The following TMEM132D variants were observed in gnomAD, a reference collection of about 807,000 sequenced individuals.
TMEM132D encodes mature OL transmembrane protein.
Under a neutral mutation model 62.3 loss-of-function variants are expected in TMEM132D, and 21 were observed. The observed-to-expected ratio is 0.34, with a 90% confidence interval of 0.24 to 0.49. The LOEUF (loss-of-function observed/expected upper bound fraction) is 0.49, where lower values mean the gene tolerates loss of function less well. TMEM132D is among the 20% of genes least tolerant of loss of function. The pLI is 0.99. For missense variants in TMEM132D, 1,346 were observed against 1,402.8 expected (o/e 0.96, Z 0.65); for synonymous variants, 621 against 575.6 (o/e 1.08, Z -1.13).
rs576788255 is a variant in TMEM132D at position 129,649,009 on chromosome 12, C to G, written c.968+50801G>C. 2.0e-5 allele frequency among the ~76,000 whole-genome samples: 3 copies of G among 152,274 alleles called. No homozygotes were observed. The East Asian group carries it at 5.8e-4, about 29-fold the overall frequency. On this transcript the variant is annotated intron_variant, in intron 2 of 8. Coordinates refer to ENST00000422113, the MANE Select transcript of TMEM132D (RefSeq NM_133448.3). ...AGGGAAGGAAAACATCTCCAGATGG[C>G]AGGATGCTGGGTGCTTTTGGTTTGG...
chr12:129,270,119 G>A (rs530444573), intron 4 of TMEM132D, among the ~76,000 whole-genome samples: 2 of 152,238 alleles, frequency 1.3e-5, no homozygotes, highest in African/African-American at 2.4e-5. Context: ...TTCCTTCCTC[G>A]GTTCCAGTGT....
intron 1 of TMEM132D, among the ~76,000 whole-genome samples, chr12:129,728,549 C>A (rs551556976): frequency 1.3e-5 from 2 of 152,152 alleles, no homozygotes; most frequent in Non-Finnish European, 2.9e-5. Context: ...GCCTGCAGGG[C>A]GTGAGTCTCA....
chr12:129,344,620 G>A (rs1869620080), intron 3 of TMEM132D, among the ~76,000 whole-genome samples: 1 of 152,084 alleles, frequency 6.6e-6, no homozygotes, highest in Admixed American at 6.5e-5. Context: ...GGGGTTGGAG[G>A]CTCCTCTCAG....
At chr12:129,406,734 C>G (rs1198305934) in intron 3 of TMEM132D, among the ~76,000 whole-genome samples, 2 of 152,180 alleles carry the variant, frequency 1.3e-5, no homozygotes, top group Admixed American at 6.5e-5. Flanking sequence ...TCGTATGCCT[C>G]ATAGGCTATG....
intron 5 of TMEM132D, among the ~76,000 whole-genome samples, chr12:129,146,933 G>A (rs530162232): frequency 1.3e-5 from 2 of 152,100 alleles, no homozygotes; most frequent in Non-Finnish European, 2.9e-5. Flanking sequence ...ACTGGCCAAA[G>A]GTCACACGGT....
At chr12:129,614,372 T>C (rs1878860814) in intron 2 of TMEM132D, among the ~76,000 whole-genome samples, 1 of 152,212 alleles carries the variant, frequency 6.6e-6, no homozygotes. Flanking sequence ...GATGCCCTGC[T>C]GCAAAGAGGA....
At chr12:129,301,817 A>T (rs943745848) in intron 4 of TMEM132D, among the ~76,000 whole-genome samples, 38 of 152,344 alleles carry the variant, frequency 2.5e-4, no homozygotes, top group African/African-American at 8.9e-4. Flanking sequence ...ACACCAGAAC[A>T]GACACAGGAT....
intron 4 of TMEM132D, among the ~76,000 whole-genome samples, chr12:129,289,473 G>A (rs1881387247): frequency 6.6e-6 from 1 of 151,350 alleles, no homozygotes; most frequent in African/African-American, 2.4e-5. Context: ...GAACCTGGGA[G>A]GTGGAGGTTG....
intron 4 of TMEM132D, among the ~76,000 whole-genome samples, chr12:129,322,093 C>A (rs1868737658): frequency 6.6e-6 from 1 of 151,930 alleles, no homozygotes; most frequent in Admixed American, 6.6e-5. Context: ...ATTTTCTCAT[C>A]TGCAAAATAG....
intron 1 of TMEM132D, among the ~76,000 whole-genome samples, chr12:129,800,158 T>C (rs1871718806): frequency 6.6e-6 from 1 of 152,130 alleles, no homozygotes. Context: ...TCTAATTTAA[T>C]CTGTAGCTGT....
intron 4 of TMEM132D, among the ~76,000 whole-genome samples, chr12:129,215,217 C>A (rs188253915): frequency 8.7e-4 from 132 of 152,272 alleles, no homozygotes; most frequent in African/African-American, 3.1e-3. Context: ...AAACAGAAAA[C>A]AACATACCAC....
At chr12:129,384,421 C>CT (rs1448112552) in intron 3 of TMEM132D, among the ~76,000 whole-genome samples, 1 of 151,966 alleles carries the variant, frequency 6.6e-6, no homozygotes, top group Non-Finnish European at 1.5e-5. Flanking sequence ...CTGTAGACCA[C>CT]TTTTTAAAGT....
chr12:129,637,412 C>T (rs1353236620), intron 2 of TMEM132D, among the ~76,000 whole-genome samples: 3 of 152,064 alleles, frequency 2.0e-5, no homozygotes, highest in East Asian at 1.9e-4. Flanking sequence ...GGAAGAGGGG[C>T]CTGTTGGGAG....
chr12:129,623,941 T>C (rs1344679666), intron 2 of TMEM132D, among the ~76,000 whole-genome samples: 1 of 152,146 alleles, frequency 6.6e-6, no homozygotes, highest in African/African-American at 2.4e-5. Flanking sequence ...GTAGTGGGAT[T>C]GCTGGACAGT....
intron 3 of TMEM132D, among the ~76,000 whole-genome samples, chr12:129,387,796 T>C (rs1460344802): frequency 1.4e-5 from 2 of 145,404 alleles, no homozygotes; most frequent in African/African-American, 5.2e-5. Flanking sequence ...GCACTGACAA[T>C]AATATGAACA....
chr12:129,400,581 A>G (rs148897633), intron 3 of TMEM132D, among the ~76,000 whole-genome samples: 3 of 152,230 alleles, frequency 2.0e-5, no homozygotes, highest in Non-Finnish European at 4.4e-5. Flanking sequence ...TCCTCTTCAC[A>G]TGGAGAGCTG....
At chr12:129,520,115 G>T (rs2137080403) in intron 3 of TMEM132D, among the ~76,000 whole-genome samples, 1 of 152,284 alleles carries the variant, frequency 6.6e-6, no homozygotes, top group Admixed American at 6.5e-5. Flanking sequence ...TGTTCAGTGA[G>T]GCCGAACTTG....
intron 5 of TMEM132D, among the ~76,000 whole-genome samples, chr12:129,188,161 A>C (rs2135554495): frequency 6.6e-6 from 1 of 152,264 alleles, no homozygotes; most frequent in South Asian, 2.1e-4. Flanking sequence ...CATGGAGACA[A>C]ATTTTGGCCA....
At chr12:129,372,841 T>G in intron 3 of TMEM132D, among the ~76,000 whole-genome samples, 1 of 152,232 alleles carries the variant, frequency 6.6e-6, no homozygotes. Flanking sequence ...AATGTAAGAA[T>G]AATAAAAATA....
Sources: allele counts gnomAD v4.1 joint callset (sites outside exome capture counted in the v4.1 genomes callset), GRCh38; gene constraint gnomAD v4.1.1; transcripts MANE v1.5; gene names NCBI Gene and HGNC (gene_info 2026-07-23, HGNC 2026-07-21).